ZFAT: variants seen among roughly 807,000 people sequenced by gnomAD.
ZFAT encodes zinc finger and AT-hook domain containing.
ZFAT carries 64 observed loss-of-function variants against 117.7 expected under a neutral mutation model. The ratio of observed to expected loss-of-function variants is 0.54; its 90% CI spans 0.44 to 0.67. The LOEUF is 0.67. Among genes scored for constraint, ZFAT ranks in the 30% least tolerant of loss-of-function variants. The pLI, the probability that ZFAT is intolerant of heterozygous loss-of-function variation, is 0.00. For missense variants in ZFAT, 1,433 were observed against 1,584.5 expected (o/e 0.90, Z 1.62); for synonymous variants, 679 against 615.0 (o/e 1.10, Z -1.54).
chr8:134,610,136 G>A (rs1023104050), intron 4 of ZFAT, among the ~76,000 whole-genome samples: 1 of 152,200 alleles, frequency 6.6e-6, no homozygotes, highest in Non-Finnish European at 1.5e-5. Context: ...AGAGCAGGAG[G>A]GGAAGGCACA....
Position 134,602,291 on chromosome 8 carries a change from G to A in ZFAT, c.1428C>T (p.His476=), listed in dbSNP as rs747874506. The A allele has an allele frequency of 2.2e-5, 36 of 1,613,872 alleles. 1 individual carries two copies. The highest frequency in any genetic ancestry group is 1.6e-4 in the Middle Eastern group (1 of 6,084). ...KFVSSIRLRT[H]IKEVHGAAQE... is the part of the protein sequence containing the mutation. ...GGGCAGCCCCGTGCACCTCTTTGATGTGGGTGCGCAGCCTGATGGAGCTGA... is the reference window on the plus strand; with the variant it reads ...GGGCAGCCCCGTGCACCTCTTTGATATGGGTGCGCAGCCTGATGGAGCTGA... The change falls in exon 6 of 16, where the codon CAC becomes CAT. Residue 476 remains histidine (H), a synonymous_variant. Transcript: ENST00000377838.
chr8:134,706,687 C>T (rs1834159859), intron 1 of ZFAT, among the ~76,000 whole-genome samples: 1 of 151,568 alleles, frequency 6.6e-6, no homozygotes, highest in Non-Finnish European at 1.5e-5. Flanking sequence ...AGCAAGACTC[C>T]ATCTCAAAAA....
Position 134,712,045 on chromosome 8 carries a change from G to C in ZFAT, c.19+800C>G, listed in dbSNP as rs56981797. Among the ~76,000 whole-genome samples, 821 of 152,280 alleles carry C rather than the reference G, an allele frequency of 5.4e-3. 8 individuals carry two copies. The highest frequency in any genetic ancestry group is 0.019 in the African/African-American group (790 of 41,538). ...GCAGGCGTGATCAGTTAGCGCGTTC[G>C]TTCTTTCATTCACTAAGTATATAGT... On this transcript the variant is annotated intron_variant, in intron 1 of 15. Transcript: ENST00000377838.
chr8:134,741,331 C>A, the ZFAT span, among the ~76,000 whole-genome samples: 1 of 152,154 alleles, frequency 6.6e-6, no homozygotes, highest in Admixed American at 6.5e-5. Flanking sequence ...ACTGCTCCAG[C>A]CAGGCTCTCC....
the ZFAT span, chr8:134,798,294 C>G: frequency 2.6e-5 from 4 of 151,890 alleles, no homozygotes; most frequent in Admixed American, 1.3e-4. Flanking sequence ...CAAAGACATC[C>G]AATTTTACAT....
chr8:134,712,997 G>T lies in ZFAT; in HGVS notation c.-134C>A. ...TTTTTTTAAGAAAAGAGCCGGCGAG[G>T]TTATGGCGAATCTGCGGCATCCAAC... is the stretch of plus-strand genomic sequence containing the variant. On this transcript the variant is annotated 5_prime_UTR_variant, in exon 1 of 16. Coordinates refer to ENST00000377838, the MANE Select transcript of ZFAT (RefSeq NM_020863.4). The T allele has an allele frequency of 1.8e-6, 2 of 1,097,488 alleles. No individual in the cohort carries two copies. The highest frequency in any genetic ancestry group is 2.4e-6 in the Non-Finnish European group (2 of 828,078). The allele number at this position is 1,097,488 out of a possible 1,614,324, so 68.0% of individuals were successfully genotyped here.
intron 2 of ZFAT, among the ~76,000 whole-genome samples, chr8:134,650,053 G>T (rs1831143075): frequency 6.6e-6 from 1 of 152,012 alleles, no homozygotes; most frequent in African/African-American, 2.4e-5. Context: ...TACCATGACT[G>T]TAAGTTTCCT....
intron 2 of ZFAT, among the ~76,000 whole-genome samples, chr8:134,638,577 A>AAAC (rs1563711829): frequency 7.0e-6 from 1 of 142,924 alleles, no homozygotes; most frequent in African/African-American, 2.6e-5. Context: ...AAAAAAAAAA[A>AAAC]CATTAACCAG....
chr8:134,598,888 T>G (rs932807171), intron 7 of ZFAT: 2 of 152,252 alleles, frequency 1.3e-5, no homozygotes, highest in African/African-American at 4.8e-5. Flanking sequence ...ATAGGTCACA[T>G]GACTTTTCCC....
chr8:134,591,114 C>T (rs1405853210), intron 7 of ZFAT, among the ~76,000 whole-genome samples: 1 of 152,214 alleles, frequency 6.6e-6, no homozygotes, highest in Non-Finnish European at 1.5e-5. Context: ...AACCCAAGAG[C>T]ATATTACATC....
In ZFAT at chr8:134,648,058, A is replaced by G. The variant is rs1218113527; in HGVS notation, c.196+9503T>C. Among the ~76,000 whole-genome samples, 3 of 151,958 alleles carry G rather than the reference A, an allele frequency of 2.0e-5. No individual in the cohort carries two copies. In the East Asian group the frequency reaches 5.8e-4, roughly 29 times the overall value. On this transcript the variant is annotated intron_variant, in intron 2 of 15. Transcript: ENST00000377838. ...TTTTCACCACGTACATACAAAAATA[A>G]TGGTAGCTATGTGAGGTAATAGATG... is the stretch of plus-strand genomic sequence containing the variant.
the ZFAT span, among the ~76,000 whole-genome samples, chr8:134,778,609 C>A: frequency 6.6e-6 from 1 of 152,160 alleles, no homozygotes; most frequent in East Asian, 1.9e-4. Context: ...AACACTATTG[C>A]AGTGTGGGAG....
At chr8:134,725,557 T>C in the ZFAT span, among the ~76,000 whole-genome samples, 1 of 152,086 alleles carries the variant, frequency 6.6e-6, no homozygotes, top group African/African-American at 2.4e-5. Context: ...AGCAAAGGTA[T>C]GGTGCCAAAC....
At chr8:134,695,094 C>T (rs925370525) in intron 1 of ZFAT, among the ~76,000 whole-genome samples, 11 of 152,268 alleles carry the variant, frequency 7.2e-5, no homozygotes, top group African/African-American at 2.4e-4. Flanking sequence ...GCAGGGAGAA[C>T]CCAGAAGAAG....
chr8:134,747,479 T>G, the ZFAT span, among the ~76,000 whole-genome samples: 1 of 152,234 alleles, frequency 6.6e-6, no homozygotes, highest in South Asian at 2.1e-4. Flanking sequence ...ATGAATATTT[T>G]TCCTAATAGA....
intron 12 of ZFAT, among the ~76,000 whole-genome samples, chr8:134,522,448 G>A (rs903002792): frequency 1.3e-5 from 2 of 152,166 alleles, no homozygotes; most frequent in African/African-American, 4.8e-5. Flanking sequence ...ACGACTATCG[G>A]CCCTCGGGCC....
intron 9 of ZFAT, 61 bp from the exon 10 acceptor site, chr8:134,584,066 A>C (rs1215823264): frequency 6.8e-7 from 1 of 1,467,862 alleles, no homozygotes; most frequent in Non-Finnish European, 9.2e-7. Context: ...ATATGTGTGA[A>C]TCTGAAGGAA....
At chr8:134,667,786 G>A (rs540735656) in intron 1 of ZFAT, among the ~76,000 whole-genome samples, 52 of 152,196 alleles carry the variant, frequency 3.4e-4, no homozygotes, top group African/African-American at 1.3e-3. Flanking sequence ...GCAGCCCACT[G>A]AGTGTGAGCC....
chr8:134,665,044 C>T (rs1333760696), intron 1 of ZFAT, among the ~76,000 whole-genome samples: 2 of 152,230 alleles, frequency 1.3e-5, no homozygotes, highest in African/African-American at 4.8e-5. Flanking sequence ...GATTTGTAAA[C>T]ATTCCCAGCC....
Sources: allele counts gnomAD v4.1 joint callset (sites outside exome capture counted in the v4.1 genomes callset), GRCh38; gene constraint gnomAD v4.1.1; transcripts MANE v1.5; gene names NCBI Gene and HGNC (gene_info 2026-07-23, HGNC 2026-07-21).